The following SASH1 variants were observed in gnomAD, a reference collection of about 807,000 sequenced individuals.
The protein encoded by SASH1 is SAM and SH3 domain-containing protein 1.
In SASH1, 44 loss-of-function variants were observed where a neutral mutation model predicts 125.2. The observed-to-expected ratio is 0.35, with a 90% confidence interval of 0.28 to 0.45. The LOEUF (loss-of-function observed/expected upper bound fraction) is 0.45, where lower values mean the gene tolerates loss of function less well. Ranked by LOEUF, SASH1 falls within the 20% of genes least tolerant of loss-of-function variation. SASH1 has a pLI of 1.00. For missense variants in SASH1, 1,426 were observed against 1,614.5 expected, an observed-to-expected ratio of 0.88 and a Z score of 2.00; for synonymous variants, 639 against 649.1, an observed-to-expected ratio of 0.98 and a Z score of 0.24.
intron 11 of SASH1, among the ~76,000 whole-genome samples, chr6:148,527,012 A>G (rs1223574382): frequency 6.6e-6 from 1 of 152,018 alleles, no homozygotes; most frequent in African/African-American, 2.4e-5. Flanking sequence ...AGCTGGGACT[A>G]CAGACGCCCA....
chr6:148,499,889 T>G (rs924762544), intron 8 of SASH1, among the ~76,000 whole-genome samples: 8 of 152,200 alleles, frequency 5.3e-5, no homozygotes, highest in African/African-American at 1.7e-4. Flanking sequence ...TCCTTATTTC[T>G]GCAAACTTTA....
In SASH1 at chr6:148,531,580, G is replaced by C; in HGVS notation, c.1483G>C (p.Glu495Gln). 1 of 1,576,600 alleles carries C rather than the reference G, an allele frequency of 6.3e-7. No homozygotes were observed. ...GSPPPSQPDP[E>Q]HLDKPKLKAG... is the part of the protein sequence containing the mutation. ...CCCTCCGCCTTCACAGCCCGACCCC[G>C]AACACTTGGACAAGCCCAAGCTCAA... The change falls in exon 13 of 20, where the codon GAA (glutamate) becomes CAA (glutamine). Residue 495 changes from glutamate to glutamine, a missense_variant. Around this residue, in one of 3 missense-constraint regions of SASH1, gnomAD observed 225 missense variants for 344.5 expected, o/e 0.65. Transcript: ENST00000367467.
chr6:148,460,882 T>C (rs535555182), intron 4 of SASH1, among the ~76,000 whole-genome samples: 1 of 152,300 alleles, frequency 6.6e-6, no homozygotes, highest in African/African-American at 2.4e-5. Context: ...AGGTTAATGA[T>C]AAAATAATTT....
At chr6:148,403,387 G>T (rs1784254179) in intron 2 of SASH1, among the ~76,000 whole-genome samples, 1 of 152,142 alleles carries the variant, frequency 6.6e-6, no homozygotes, top group South Asian at 2.1e-4. Context: ...TTACAGGCAT[G>T]AGCCACTGTG....
In SASH1 at chr6:148,304,274, T is replaced by TA. The variant is rs570696325; in HGVS notation, n.74+31904dup. 6.5e-3 allele frequency among the ~76,000 whole-genome samples: 991 copies of TA among 151,992 alleles called. 5 individuals carry two copies. Among genetic ancestry groups the TA allele is most frequent in the Non-Finnish European group, 0.011 (757 of 67,964 alleles). On this transcript the variant is annotated intron_variant and non_coding_transcript_variant, in intron 1 of 3. Coordinates refer to the SASH1 transcript ENST00000367469. ...TGACATGGTGAAACCCTGTCTCTAC[T>TA]AAAAAAATACAAAAAATTAGCGTGG...
chr6:148,326,622 G>A (rs190953901), intron 1 of SASH1, among the ~76,000 whole-genome samples: 35 of 151,218 alleles, frequency 2.3e-4, no homozygotes, highest in African/African-American at 6.6e-4. Flanking sequence ...GGCTGGTCTT[G>A]AACTCCTGAC....
intron 4 of SASH1, among the ~76,000 whole-genome samples, chr6:148,449,088 T>TTTTTTTTC: frequency 1.4e-5 from 2 of 143,654 alleles, no homozygotes; most frequent in African/African-American, 5.1e-5. Flanking sequence ...CTTTTTTTTT[T>TTTTTTTTC]TTTTTGGAGA....
chr6:148,543,680 G>T lies in SASH1; in HGVS notation c.2210G>T (p.Gly737Val). Residue 737 changes from glycine (G) to valine (V), a missense_variant and splice_region_variant, in exon 18 of 20, where the codon GGC (glycine) becomes GTC (valine). This residue lies in a region of SASH1 where 634 missense variants were observed against 694.4 expected (regional missense o/e 0.91). Transcript: ENST00000367467. The part of the protein sequence containing the change: ...CYESSENLEN[G>V]KTRKASLLSA... ...TGTAAAATATTCCCTTGTCTCACAG[G>T]CAAGACTCGGAAAGCTAGCCTCCTA... 6.6e-7 allele frequency: 1 copy of T among 1,526,290 alleles called. No homozygotes were observed. Among genetic ancestry groups the T allele is most frequent in the Non-Finnish European group, 8.8e-7 (1 of 1,137,958 alleles). 94.5% of individuals were successfully genotyped at this position (1,526,290 alleles called of 1,614,324 possible).
intron 1 of SASH1, among the ~76,000 whole-genome samples, chr6:148,372,148 A>G (rs957991436): frequency 9.9e-5 from 15 of 152,258 alleles, no homozygotes; most frequent in Admixed American, 2.0e-4. Context: ...CAGAAACACT[A>G]GCATGTAAAA....
chr6:148,250,392 G>A, the SASH1 span, among the ~76,000 whole-genome samples: 11 of 151,922 alleles, frequency 7.2e-5, no homozygotes, highest in African/African-American at 2.4e-4. Context: ...ATTAGAAATC[G>A]TACTCTCAGA....
At chr6:148,520,268 G>A in intron 10 of SASH1, 1 of 201,464 alleles carries the variant, frequency 5.0e-6, no homozygotes, top group South Asian at 1.1e-4. Flanking sequence ...GCAAGGCTGA[G>A]AGACAGGACC....
chr6:148,379,348 T>C (rs1341136832), intron 1 of SASH1, among the ~76,000 whole-genome samples: 1 of 152,202 alleles, frequency 6.6e-6, no homozygotes, highest in Non-Finnish European at 1.5e-5. Flanking sequence ...ATATTCCCTC[T>C]GTATGGAACT....
intron 2 of SASH1, among the ~76,000 whole-genome samples, chr6:148,393,139 T>G (rs1783800839): frequency 6.7e-6 from 1 of 149,322 alleles, no homozygotes; most frequent in South Asian, 2.1e-4. Context: ...CTCCACCTCC[T>G]GGGTTCAACT....
intron 1 of SASH1, among the ~76,000 whole-genome samples, chr6:148,380,600 C>G (rs1267124560): frequency 6.6e-6 from 1 of 152,234 alleles, no homozygotes; most frequent in Non-Finnish European, 1.5e-5. Context: ...TGAGTTCAGT[C>G]TAAAACTGCC....
intron 7 of SASH1, among the ~76,000 whole-genome samples, chr6:148,484,332 C>A (rs1293357474): frequency 7.0e-6 from 1 of 143,428 alleles, no homozygotes; most frequent in African/African-American, 2.8e-5. Context: ...AATGTTTTTG[C>A]TTAAGACACA....
At chr6:148,527,048 A>T (rs1256197191) in intron 11 of SASH1, among the ~76,000 whole-genome samples, 1 of 151,752 alleles carries the variant, frequency 6.6e-6, no homozygotes, top group African/African-American at 2.4e-5. Flanking sequence ...AATTTTTTGT[A>T]TTTTTAGTAG....
chr6:148,218,095 C>G, the SASH1 span, among the ~76,000 whole-genome samples: 3 of 152,038 alleles, frequency 2.0e-5, no homozygotes, highest in African/African-American at 4.8e-5. Flanking sequence ...ACCCCAGCAC[C>G]CTCATTTGCA....
In SASH1 at chr6:148,520,930, G is replaced by A. The variant is rs140688319; in HGVS notation, c.1209+1037G>A. ...CGTAAATCTAACAACAAAAATGGGAGCTTTTTTGTTTTACTTAAGTCTATT... is the reference window on the plus strand; with the variant it reads ...CGTAAATCTAACAACAAAAATGGGAACTTTTTTGTTTTACTTAAGTCTATT... On this transcript the variant is annotated intron_variant, in intron 10 of 19. Transcript: ENST00000367467. Among the ~76,000 whole-genome samples the A allele has an allele frequency of 3.7e-3, 565 of 152,224 alleles. 1 individual carries two copies. The highest frequency in any genetic ancestry group is 0.014 in the Middle Eastern group (4 of 294).
chr6:148,381,427 G>C (rs1783126648), intron 1 of SASH1, among the ~76,000 whole-genome samples: 1 of 152,092 alleles, frequency 6.6e-6, no homozygotes, highest in African/African-American at 2.4e-5. Flanking sequence ...ATTTCCCCAA[G>C]GGAGCAGGGA....
Sources: allele counts gnomAD v4.1 joint callset (sites outside exome capture counted in the v4.1 genomes callset), GRCh38; gene constraint gnomAD v4.1.1; regional missense constraint gnomAD v4.1.1; transcripts MANE v1.5; gene names NCBI Gene and HGNC (gene_info 2026-07-23, HGNC 2026-07-21).